Variants in C19orf47 observed in about 807,000 individuals in gnomAD.
C19orf47 encodes the protein chromosome 19 open reading frame 47.
Under a neutral mutation model 32.3 loss-of-function variants are expected in C19orf47, and 18 were observed. That is an observed-to-expected ratio of 0.56 (90% CI 0.39 to 0.83). C19orf47 has a LOEUF of 0.83. C19orf47 is among the 40% of genes least tolerant of loss of function. The probability of loss-of-function intolerance (pLI) is 0.00; values close to 1 mark genes in which losing one functional copy is unlikely to be tolerated. For synonymous variants in C19orf47, 202 were observed against 211.1 expected (o/e 0.96, Z 0.37); for missense variants, 484 against 531.6 (o/e 0.91, Z 0.88).
At chr19:40,337,064 A>G (rs1371914802) in intron 2 of C19orf47, among the ~76,000 whole-genome samples, 1 of 152,120 alleles carries the variant, frequency 6.6e-6, no homozygotes, top group African/African-American at 2.4e-5. Context: ...ACCTGGGATA[A>G]CAGATCTGAC....
chr19:40,318,956 C>A (rs551875862), downstream of C19orf47, among the ~76,000 whole-genome samples: 33 of 152,268 alleles, frequency 2.2e-4, 2 homozygotes, highest in South Asian at 5.4e-3. Flanking sequence ...GTACTTAATG[C>A]CACTGAATGG....
chr19:40,318,401 C>T (rs1427719054), downstream of C19orf47, among the ~76,000 whole-genome samples: 3 of 152,010 alleles, frequency 2.0e-5, no homozygotes, highest in Admixed American at 2.0e-4. Flanking sequence ...AGAGAATCTC[C>T]CTGGCACAGC....
In C19orf47 at chr19:40,321,896, G is replaced by A. The variant is rs1302406338; in HGVS notation, c.1144C>T (p.Arg382Cys). The change falls in exon 9 of 9, where the codon CGC becomes TGC. Residue 382 changes from arginine to cysteine, a missense_variant. Around this residue, in one of 3 missense-constraint regions of C19orf47, gnomAD observed 51 missense variants for 74.5 expected, o/e 0.68. Transcript: ENST00000683109. ...CCACAGGTGGGCTAGAAGGTCCTGC[G>A]GCCCAGTCTTTTGAACACGCTCACA... is the stretch of plus-strand genomic sequence containing the variant. ...GTVSVFKRLG[R>C]RTF is the part of the protein sequence containing the mutation. The A allele has an allele frequency of 2.1e-5, 34 of 1,599,008 alleles. No individual in the cohort carries two copies. The highest frequency in any genetic ancestry group is 4.5e-5 in the South Asian group (4 of 89,548).
intron 5 of C19orf47, 107 bp downstream of exon 5, chr19:40,333,744 G>T (rs1340109203): frequency 9.9e-6 from 9 of 911,034 alleles, no homozygotes; most frequent in Non-Finnish European, 1.4e-5. Context: ...CAATGGCTTT[G>T]TTTCTACCTT....
At chr19:40,338,240 AT>A (rs1331340648) in intron 2 of C19orf47, among the ~76,000 whole-genome samples, 1 of 144,706 alleles carries the variant, frequency 6.9e-6, no homozygotes, top group Non-Finnish European at 1.5e-5. Context: ...GGCCAGGCTA[AT>A]TTTTTGTATA....
chr19:40,332,358 A>G (rs1237109780), intron 5 of C19orf47, among the ~76,000 whole-genome samples: 2 of 146,194 alleles, frequency 1.4e-5, no homozygotes, highest in Admixed American at 1.4e-4. Context: ...ATCTCAAGGG[A>G]AAAAAAAAAA....
chr19:40,342,494 T>C (rs1337337638), intron 1 of C19orf47: 1 of 152,888 alleles, frequency 6.5e-6, no homozygotes, highest in Non-Finnish European at 1.5e-5. Flanking sequence ...GAACCTACTA[T>C]GTGTAAGGCA....
intron 1 of C19orf47, among the ~76,000 whole-genome samples, chr19:40,345,156 C>T (rs559488564): frequency 1.3e-5 from 2 of 152,244 alleles, no homozygotes; most frequent in South Asian, 4.1e-4. Context: ...GCTACAGACC[C>T]TACTGAATTC....
rs765122607 is a variant in C19orf47 at position 40,328,483 on chromosome 19, C to T, written c.369G>A (p.Pro123=). Residue 123 remains proline, a synonymous_variant, in exon 6 of 9, where the codon CCG becomes CCA. Coordinates refer to ENST00000683109, the MANE Select transcript of C19orf47 (RefSeq NM_001256441.2). ...DSPPSTPPRR[P]DTSTSKISVT... is the part of the protein sequence containing the mutation. The stretch of plus-strand genomic sequence containing the variant: ...CCGAGATCTTGGAGGTGCTGGTGTC[C>T]GGGCGCCTGGGGGGTGTGCTGGGTG... 31 of 1,611,820 alleles carry T rather than the reference C, an allele frequency of 1.9e-5. No individual in the cohort carries two copies. Among genetic ancestry groups the T allele is most frequent in the South Asian group, 8.8e-5 (8 of 90,774 alleles).
At chr19:40,312,483 T>G in the C19orf47 span, among the ~76,000 whole-genome samples, 1 of 151,704 alleles carries the variant, frequency 6.6e-6, no homozygotes, top group Non-Finnish European at 1.5e-5. Flanking sequence ...AGGCGGAGCT[T>G]GCAGTGAGCT....
In C19orf47 at chr19:40,336,096, G is replaced by A; in HGVS notation, c.222+14C>T. On this transcript the variant is annotated intron_variant, in intron 4 of 8. Coordinates refer to ENST00000683109, the MANE Select transcript of C19orf47 (RefSeq NM_001256441.2). Reference sequence around the variant, plus strand: ...GCCAAACCCAGAGACAGAGGGGCTGGGCACAGCACCCACCTGACGGTGCAC... The same window carrying A: ...GCCAAACCCAGAGACAGAGGGGCTGAGCACAGCACCCACCTGACGGTGCAC... 1.2e-6 allele frequency: 2 copies of A among 1,611,710 alleles called. No individual in the cohort carries two copies. Among genetic ancestry groups the A allele is most frequent in the Non-Finnish European group, 8.5e-7 (1 of 1,177,980 alleles).
chr19:40,341,759 T>C, intron 2 of C19orf47, 80 bp downstream of exon 2: 3 of 1,521,442 alleles, frequency 2.0e-6, no homozygotes, highest in Non-Finnish European at 2.6e-6. Context: ...CCCTCCCCCA[T>C]CCCATCATCC....
intron 2 of C19orf47, among the ~76,000 whole-genome samples, chr19:40,337,937 C>T (rs1304306265): frequency 6.6e-6 from 1 of 152,144 alleles, no homozygotes; most frequent in Non-Finnish European, 1.5e-5. Context: ...GTCCCACTGA[C>T]CAGAAGCAGG....
chr19:40,313,673 G>C, the C19orf47 span, among the ~76,000 whole-genome samples: 1 of 152,142 alleles, frequency 6.6e-6, no homozygotes, highest in African/African-American at 2.4e-5. Context: ...CCATATTAAG[G>C]CTTCATTTTC....
intron 8 of C19orf47, 86 bp downstream of exon 8, chr19:40,323,920 G>C: frequency 6.5e-7 from 1 of 1,527,190 alleles, no homozygotes; most frequent in South Asian, 1.1e-5. Context: ...GGCCGAGTGA[G>C]GTTGAGATGT....
the C19orf47 span, among the ~76,000 whole-genome samples, chr19:40,304,793 G>A: frequency 6.6e-6 from 1 of 152,100 alleles, no homozygotes; most frequent in Admixed American, 6.6e-5. Context: ...AAGGGTACAG[G>A]GAAGCCATTT....
chr19:40,326,602 T>C, intron 6 of C19orf47, 116 bp from the exon 7 acceptor site: 1 of 1,267,666 alleles, frequency 7.9e-7, no homozygotes, highest in Non-Finnish European at 1.1e-6. Flanking sequence ...ATCCCTTACC[T>C]TCCCAACCAC....
chr19:40,330,222 CCTTT>C (rs945280702), intron 5 of C19orf47, among the ~76,000 whole-genome samples: 7 of 151,678 alleles, frequency 4.6e-5, no homozygotes, highest in South Asian at 4.2e-4. Flanking sequence ...ATTTACTTTC[CCTTT>C]CTTTTTTTTC....
At chr19:40,325,635 T>C (rs570196727) in intron 7 of C19orf47, among the ~76,000 whole-genome samples, 1 of 151,890 alleles carries the variant, frequency 6.6e-6, no homozygotes, top group Non-Finnish European at 1.5e-5. Flanking sequence ...CACAAAAAAA[T>C]AAAAATTAAA....
Sources: allele counts gnomAD v4.1 joint callset (sites outside exome capture counted in the v4.1 genomes callset), GRCh38; gene constraint gnomAD v4.1.1; regional missense constraint gnomAD v4.1.1; transcripts MANE v1.5; gene names NCBI Gene and HGNC (gene_info 2026-07-23, HGNC 2026-07-21).